Variants in FUCA2 observed in about 807,000 individuals in gnomAD.
The protein encoded by FUCA2 is alpha-L-fucosidase 2.
In FUCA2, 41 loss-of-function variants were observed where a neutral mutation model predicts 52.6. The observed-to-expected ratio is 0.78, with a 90% CI of 0.61 to 1.01. FUCA2 has a LOEUF of 1.01. FUCA2 is among the 50% of genes least tolerant of loss of function. FUCA2 has a pLI of 0.00. For missense variants in FUCA2, 507 were observed against 569.5 expected, an observed-to-expected ratio of 0.89 and a Z score of 1.12; for synonymous variants, 211 against 217.3, an observed-to-expected ratio of 0.97 and a Z score of 0.26.
At chr6:143,508,380 T>G (rs940577923) in intron 1 of FUCA2, among the ~76,000 whole-genome samples, 1 of 152,162 alleles carries the variant, frequency 6.6e-6, no homozygotes, top group African/African-American at 2.4e-5. Flanking sequence ...CTATCACCAT[T>G]CCTTTCATAT....
In FUCA2 at chr6:143,509,572, A is replaced by G. The variant is rs894235546; in HGVS notation, c.224+1839T>C. Among the ~76,000 whole-genome samples, 4 of 152,226 alleles carry G rather than the reference A, an allele frequency of 2.6e-5. No individual in the cohort carries two copies. Among genetic ancestry groups the G allele is most frequent in the African/African-American group, 9.6e-5 (4 of 41,456 alleles). ...ACCAATATATCTTTACCTAATCTTC[A>G]TGGTTGAACAAAATGATAATATAAG... On this transcript the variant is annotated intron_variant, in intron 1 of 6. Transcript: ENST00000002165. This position sits in a 1 kb window ranked among gnomAD's most constrained non-coding sequence, Gnocchi z 5.4.
intron 2 of FUCA2, chr6:143,506,387 T>G (rs1780608571): frequency 6.6e-6 from 1 of 152,030 alleles, no homozygotes; most frequent in Admixed American, 6.6e-5. Flanking sequence ...AGAGACAGGG[T>G]CTCACTATGT....
rs374410560 is a variant in FUCA2 at position 143,511,525 on chromosome 6, G to C, written c.110C>G (p.Thr37Ser). 3 of 1,590,660 alleles carry C rather than the reference G, an allele frequency of 1.9e-6. No individual in the cohort carries two copies. The highest frequency in any genetic ancestry group is 4.6e-5 in the East Asian group (2 of 43,344). ...PAHSATRFDP[T>S]WESLDARQLP... ...CTGGCGGGCGTCCAGGGACTCCCAG[G>C]TGGGGTCGAAGCGCGTGGCGCTGTG... The change falls in exon 1 of 7, where the codon ACC (threonine) becomes AGC (serine). Residue 37 changes from threonine to serine, a missense_variant. Coordinates refer to ENST00000002165, the MANE Select transcript of FUCA2 (RefSeq NM_032020.5). This position sits in a 1 kb window ranked among gnomAD's most constrained non-coding sequence, Gnocchi z 6.3.
chr6:143,508,780 G>T (rs1451126795), intron 1 of FUCA2, among the ~76,000 whole-genome samples: 1 of 152,232 alleles, frequency 6.6e-6, no homozygotes, highest in Admixed American at 6.5e-5. Flanking sequence ...TTTCATCAAT[G>T]AACCGACTAC....
Position 143,499,351 on chromosome 6 carries a change from G to A in FUCA2, c.1155-1854C>T, listed in dbSNP as rs191174560. ...GCGGGTCACCTGAGGTCAGGAGTTC[G>A]AGACCAGCCTGGCCAAACATGGTGA... On this transcript the variant is annotated intron_variant, in intron 5 of 6. Coordinates refer to ENST00000002165, the MANE Select transcript of FUCA2 (RefSeq NM_032020.5). This position sits in a 1 kb window ranked among gnomAD's most constrained non-coding sequence, Gnocchi z 6.0. Among the ~76,000 whole-genome samples the A allele has an allele frequency of 3.7e-3, 557 of 152,164 alleles. 1 individual carries two copies. The highest frequency in any genetic ancestry group is 0.013 in the African/African-American group (537 of 41,526).
At position 143,499,704 on chromosome 6, in the gene FUCA2, G is replaced by C. The variant is rs1460304005; in HGVS notation, c.1155-2207C>G. On this transcript the variant is annotated intron_variant, in intron 5 of 6. Transcript: ENST00000002165. This position sits in a 1 kb window ranked among gnomAD's most constrained non-coding sequence, Gnocchi z 6.0. ...GAGGCAGACACTGCCAGTAAGTTAA[G>C]AAAATGAGCACTGGGGACTCATCAC... Among the ~76,000 whole-genome samples the C allele has an allele frequency of 3.9e-5, 6 of 152,190 alleles. No homozygotes were observed. The highest frequency in any genetic ancestry group is 1.4e-4 in the African/African-American group (6 of 41,450).
In FUCA2 at chr6:143,495,072, C is replaced by A; in HGVS notation, c.*635G>T. 1 of 153,004 alleles carries A rather than the reference C, an allele frequency of 6.5e-6. No individual in the cohort carries two copies. The highest frequency in any genetic ancestry group is 2.0e-4 in the South Asian group (1 of 4,994). 9.5% of individuals were successfully genotyped at this position (153,004 alleles called of 1,614,324 possible). A position where few individuals can be genotyped will look rare whatever the true frequency, so the allele number is the denominator to read the frequency against. On this transcript the variant is annotated 3_prime_UTR_variant, in exon 7 of 7. Coordinates refer to ENST00000002165, the MANE Select transcript of FUCA2 (RefSeq NM_032020.5). The surrounding 1 kb of genome is among the most constrained non-coding windows in gnomAD (Gnocchi z 5.2). ...AACTTCCAGTCCTGTAAGCTCCATTCGTGGTAAGTGCCCTATACAGGTGCA... is the reference window on the plus strand; with the variant it reads ...AACTTCCAGTCCTGTAAGCTCCATTAGTGGTAAGTGCCCTATACAGGTGCA...
At position 143,501,789 on chromosome 6, in the gene FUCA2, T is replaced by C; in HGVS notation, c.1154+143A>G. On this transcript the variant is annotated intron_variant, in intron 5 of 6. Transcript: ENST00000002165. This position sits in a 1 kb window ranked among gnomAD's most constrained non-coding sequence, Gnocchi z 6.1. ...GCAAATTCTTCCCCTTCTCTTTATA[T>C]TAGAGTAAGCAAAGTTTGGAAAGTG... 1.6e-6 allele frequency: 1 copy of C among 632,286 alleles called. No individual in the cohort carries two copies. Among genetic ancestry groups the C allele is most frequent in the Non-Finnish European group, 2.6e-6 (1 of 380,934 alleles). 39.2% of individuals were successfully genotyped at this position (632,286 alleles called of 1,614,324 possible).
chr6:143,503,876 A>T lies in FUCA2; in HGVS notation c.752+37T>A. 1 of 1,447,578 alleles carries T rather than the reference A, an allele frequency of 6.9e-7. No individual in the cohort carries two copies. Among genetic ancestry groups the T allele is most frequent in the East Asian group, 2.3e-5 (1 of 43,800 alleles). 89.7% of individuals were successfully genotyped at this position (1,447,578 alleles called of 1,614,324 possible). On this transcript the variant is annotated intron_variant, in intron 3 of 6. Transcript: ENST00000002165. The surrounding 1 kb of genome is among the most constrained non-coding windows in gnomAD (Gnocchi z 4.8). ...AAAATGTTAGAAATATATTAGGAAT[A>T]TGGAGGGTAACTGCAGCAATCTCAT...
rs1303630204 is a variant in FUCA2, at chr6:143,497,520, G to T, written c.1155-23C>A. The T allele has an allele frequency of 1.5e-6, 2 of 1,303,304 alleles. No individual in the cohort carries two copies. Among genetic ancestry groups the T allele is most frequent in the Non-Finnish European group, 2.2e-6 (2 of 903,616 alleles). The allele number at this position is 1,303,304 out of a possible 1,614,324, so 80.7% of individuals were successfully genotyped here. A position where few individuals can be genotyped will look rare whatever the true frequency, so the allele number is the denominator to read the frequency against. On this transcript the variant is annotated intron_variant, in intron 5 of 6. Transcript: ENST00000002165. The surrounding 1 kb of genome is among the most constrained non-coding windows in gnomAD (Gnocchi z 5.3). ...TACCTGGTTAAAAGAAAAAAATAAA[G>T]AGCATAGTAGCAAGTTACATCCCAT...
rs1415403048 is a variant in FUCA2 at position 143,504,240 on chromosome 6, C to G, written c.425G>C (p.Trp142Ser). 1.2e-6 allele frequency: 2 copies of G among 1,612,406 alleles called. No individual in the cohort carries two copies. Among genetic ancestry groups the G allele is most frequent in the East Asian group, 2.2e-5 (1 of 44,870 alleles). Residue 142 changes from tryptophan to serine, a missense_variant, in exon 3 of 7, where the codon TGG becomes TCG. Coordinates refer to ENST00000002165, the MANE Select transcript of FUCA2 (RefSeq NM_032020.5). This position sits in a 1 kb window ranked among gnomAD's most constrained non-coding sequence, Gnocchi z 4.4. ...CCAGTTCCACGAATATTCTGACCCCCACAAGGTAAAGCCTAGAAAATTATA... is the reference window on the plus strand; with the variant it reads ...CCAGTTCCACGAATATTCTGACCCCGACAAGGTAAAGCCTAGAAAATTATA... ...TSKHHEGFTL[W>S]GSEYSWNWNA...
At chr6:143,508,655 G>C (rs1029098157) in intron 1 of FUCA2, among the ~76,000 whole-genome samples, 2 of 152,214 alleles carry the variant, frequency 1.3e-5, no homozygotes, top group African/African-American at 4.8e-5. Context: ...AAGAGACACT[G>C]GCCTTCCTGC....
rs906080362 is a variant in FUCA2 at position 143,500,517 on chromosome 6, G to A, written c.1154+1415C>T. Among the ~76,000 whole-genome samples, 16 of 152,176 alleles carry A rather than the reference G, an allele frequency of 1.1e-4. No individual in the cohort carries two copies. Among genetic ancestry groups the A allele is most frequent in the Non-Finnish European group, 2.9e-5 (2 of 68,024 alleles). On this transcript the variant is annotated intron_variant, in intron 5 of 6. Coordinates refer to ENST00000002165, the MANE Select transcript of FUCA2 (RefSeq NM_032020.5). This position sits in a 1 kb window ranked among gnomAD's most constrained non-coding sequence, Gnocchi z 6.9. ...GCCATTAACTGAGATGGAGAAGACC[G>A]TGGGTGGAGCTAGTCTACAGCAAAA...
In FUCA2 at chr6:143,507,425, C is replaced by A. The variant is rs1042156699; in HGVS notation, c.225-1G>T. 1.1e-5 allele frequency: 17 copies of A among 1,581,158 alleles called. No homozygotes were observed. Among genetic ancestry groups the A allele is most frequent in the Non-Finnish European group, 1.4e-5 (16 of 1,169,860 alleles). On this transcript the variant is annotated splice_acceptor_variant, in intron 1 of 6. Transcript: ENST00000002165. LOFTEE classifies it high-confidence loss of function. The surrounding 1 kb of genome is among the most constrained non-coding windows in gnomAD (Gnocchi z 4.5). ...TATCTTTTCCTTTTGCCAATACCAC[C>A]TAAGGGGAGGAAAGGAAAGAGTGCA...
rs552228956 is a variant in FUCA2, at chr6:143,504,911, C to G, written c.413-659G>C. The stretch of plus-strand genomic sequence containing the variant: ...TCTATACTTTAAAATATACTCACCA[C>G]GTGTAATCTCATCCTACTATAAAAT... On this transcript the variant is annotated intron_variant, in intron 2 of 6. Coordinates refer to ENST00000002165, the MANE Select transcript of FUCA2 (RefSeq NM_032020.5). The surrounding 1 kb of genome is among the most constrained non-coding windows in gnomAD (Gnocchi z 4.4). 2 of 152,112 alleles carry G rather than the reference C, an allele frequency of 1.3e-5. No homozygotes were observed. The highest frequency in any genetic ancestry group is 4.8e-5 in the African/African-American group (2 of 41,428). The allele number at this position is 152,112 out of a possible 1,614,324, so 9.4% of individuals were successfully genotyped here.
rs1780663675 is a variant in FUCA2, at chr6:143,510,279, T to C, written c.224+1132A>G. Among the ~76,000 whole-genome samples the C allele has an allele frequency of 6.6e-6, 1 of 152,228 alleles. No individual in the cohort carries two copies. The highest frequency in any genetic ancestry group is 1.5e-5 in the Non-Finnish European group (1 of 68,044). On this transcript the variant is annotated intron_variant, in intron 1 of 6. Transcript: ENST00000002165. The surrounding 1 kb of genome is among the most constrained non-coding windows in gnomAD (Gnocchi z 4.4). ...TGTATTGTGTCTACTAAATATAGTA[T>C]GTTAATTTGGATGTATACTATTTAT...
chr6:143,511,543 G>A lies in FUCA2; in HGVS notation c.92C>T (p.Ala31Val). ...CTCCCAGGTGGGGTCGAAGCGCGTG[G>A]CGCTGTGGGCAGGGCACGGCGGCGG... ...LPPPPCPAHSATRFDPTWESL... is the reference protein window; with the variant it reads ...LPPPPCPAHSVTRFDPTWESL... The change falls in exon 1 of 7, where the codon GCC (alanine) becomes GTC (valine). Residue 31 changes from alanine (A) to valine (V), a missense_variant. Ala to Val is a moderately conservative substitution (Grantham distance 64, BLOSUM62 0). Transcript: ENST00000002165. This position sits in a 1 kb window ranked among gnomAD's most constrained non-coding sequence, Gnocchi z 6.3. 1 of 1,581,688 alleles carries A rather than the reference G, an allele frequency of 6.3e-7. No individual in the cohort carries two copies. The highest frequency in any genetic ancestry group is 8.6e-7 in the Non-Finnish European group (1 of 1,164,366).
In FUCA2 at chr6:143,502,593, A is replaced by G. The variant is rs1780545373; in HGVS notation, c.753-28T>C. On this transcript the variant is annotated intron_variant, in intron 3 of 6. Coordinates refer to ENST00000002165, the MANE Select transcript of FUCA2 (RefSeq NM_032020.5). This position sits in a 1 kb window ranked among gnomAD's most constrained non-coding sequence, Gnocchi z 4.1. ...GAAATGAAACATACAATTTTTTAAA[A>G]CAAAAGGTATAAGCTTTTTATACAA... 1 of 1,577,108 alleles carries G rather than the reference A, an allele frequency of 6.3e-7. No homozygotes were observed. Among genetic ancestry groups the G allele is most frequent in the Non-Finnish European group, 8.7e-7 (1 of 1,155,594 alleles).
rs1349439224 is a variant in FUCA2, at chr6:143,495,239, A to G, written c.*468T>C. ...GCCTAGGAGCAACAGTCTATACCAT[A>G]CACATTAGGTGTGTAGTAGGCTATG... On this transcript the variant is annotated 3_prime_UTR_variant, in exon 7 of 7. Coordinates refer to ENST00000002165, the MANE Select transcript of FUCA2 (RefSeq NM_032020.5). The surrounding 1 kb of genome is among the most constrained non-coding windows in gnomAD (Gnocchi z 5.2). The G allele has an allele frequency of 6.4e-6, 1 of 157,456 alleles. No individual in the cohort carries two copies. The highest frequency in any genetic ancestry group is 1.4e-5 in the Non-Finnish European group (1 of 71,006). The allele number at this position is 157,456 out of a possible 1,614,324, so 9.8% of individuals were successfully genotyped here. A position where few individuals can be genotyped will look rare whatever the true frequency, so the allele number is the denominator to read the frequency against.
Sources: gnomAD v4.1 joint callset for allele counts (sites outside exome capture counted in the v4.1 genomes callset) on GRCh38, gnomAD v4.1.1 for gene constraint, Gnocchi (gnomAD v3.1) non-coding constraint, MANE v1.5 for transcripts, NCBI Gene and HGNC (gene_info 2026-07-23, HGNC 2026-07-21) for gene names.